PALM2AKAP2: variants seen among roughly 807,000 people sequenced by gnomAD.
The protein encoded by PALM2AKAP2 is PALM2-AKAP2 fusion protein.
PALM2AKAP2 carries 37 observed loss-of-function variants against 71.5 expected under a neutral mutation model. The ratio of observed to expected loss-of-function variants is 0.52; its 90% CI spans 0.40 to 0.68. The LOEUF is 0.68. Among genes scored for constraint, PALM2AKAP2 ranks in the 30% least tolerant of loss-of-function variants. PALM2AKAP2 has a pLI of 0.00. For missense variants in PALM2AKAP2, 1,224 were observed against 1,191.8 expected (o/e 1.03, Z -0.40); for synonymous variants, 468 against 478.8 (o/e 0.98, Z 0.29).
intron 6 of PALM2AKAP2, among the ~76,000 whole-genome samples, chr9:109,950,160 GCACA>G (rs1305416816): frequency 3.2e-4 from 48 of 152,032 alleles, no homozygotes; most frequent in Admixed American, 3.1e-3. Flanking sequence ...CAGCATGGTG[GCACA>G]CACCTGTAGT....
In PALM2AKAP2 at chr9:109,662,467, G is replaced by A. The variant is rs1369959446; in HGVS notation, c.5+21601G>A. 9.2e-5 allele frequency among the ~76,000 whole-genome samples: 14 copies of A among 152,110 alleles called. 1 individual carries two copies. Among genetic ancestry groups the A allele is most frequent in the Middle Eastern group, 6.8e-3 (2 of 294 alleles). Reference sequence around the variant, plus strand: ...TGGTTCTGTTTATGTGATGGATTACGTTTATTGATTTGTGTATATTGAACC... The same window carrying A: ...TGGTTCTGTTTATGTGATGGATTACATTTATTGATTTGTGTATATTGAACC... On this transcript the variant is annotated intron_variant, in intron 1 of 6. Coordinates refer to the PALM2AKAP2 transcript ENST00000374531.
intron 1 of PALM2AKAP2, among the ~76,000 whole-genome samples, chr9:109,763,822 C>G (rs530422113): frequency 6.6e-6 from 1 of 152,242 alleles, no homozygotes; most frequent in East Asian, 1.9e-4. Context: ...ACACATTGCT[C>G]CAATCTCTGC....
At chr9:109,801,528 A>C (rs1827428915) in intron 1 of PALM2AKAP2, among the ~76,000 whole-genome samples, 1 of 152,248 alleles carries the variant, frequency 6.6e-6, no homozygotes, top group Non-Finnish European at 1.5e-5. Flanking sequence ...TTTCAAAAAA[A>C]TAAATAGCAA....
intron 6 of PALM2AKAP2, among the ~76,000 whole-genome samples, chr9:109,948,971 C>T (rs78335706): frequency 2.1e-3 from 313 of 152,164 alleles, no homozygotes; most frequent in South Asian, 3.9e-3. Context: ...TAAAAAAAAA[C>T]GCAGGTTGTA....
At chr9:109,898,987 G>A (rs1248631190) in intron 3 of PALM2AKAP2, among the ~76,000 whole-genome samples, 1 of 152,136 alleles carries the variant, frequency 6.6e-6, no homozygotes, top group African/African-American at 2.4e-5. Flanking sequence ...GGAAATATTG[G>A]TGCTTTGAGG....
chr9:109,764,269 A>T (rs1424534012), intron 1 of PALM2AKAP2, among the ~76,000 whole-genome samples: 2 of 151,782 alleles, frequency 1.3e-5, no homozygotes, highest in Non-Finnish European at 2.9e-5. Context: ...ACTAGACCCA[A>T]CCTGGAGCTT....
chr9:109,867,202 G>GTGTC (rs997976909), intron 1 of PALM2AKAP2: 1 of 403,460 alleles, frequency 2.5e-6, no homozygotes, highest in East Asian at 6.9e-5. Flanking sequence ...GTGTGTGTGT[G>GTGTC]TGTCTGTGTG....
intron 1 of PALM2AKAP2, among the ~76,000 whole-genome samples, chr9:110,109,370 A>G (rs1359078960): frequency 6.6e-6 from 1 of 151,016 alleles, no homozygotes; most frequent in Non-Finnish European, 1.5e-5. Context: ...AAAAAAAAAA[A>G]GAAAAACTTC....
chr9:109,689,114 T>C (rs1827843496), intron 1 of PALM2AKAP2, among the ~76,000 whole-genome samples: 1 of 152,142 alleles, frequency 6.6e-6, no homozygotes, highest in East Asian at 1.9e-4. Context: ...CTAAGCGAGT[T>C]CAGTGGTTGA....
chr9:110,058,462 A>G (rs2017219), intron 1 of PALM2AKAP2, among the ~76,000 whole-genome samples: 41,134 of 151,974 alleles, frequency 0.27, 6,164 homozygotes, highest in East Asian at 0.4. Context: ...CTGTTTCTTC[A>G]TTTTATTCCT....
At chr9:109,771,451 A>T (rs751105003) in intron 1 of PALM2AKAP2, among the ~76,000 whole-genome samples, 8 of 152,184 alleles carry the variant, frequency 5.3e-5, no homozygotes, top group Non-Finnish European at 1.2e-4. Flanking sequence ...CACCAAATAC[A>T]GGGTAAAACT....
rs561223658 is a variant in PALM2AKAP2, at chr9:109,668,003, C to A, written c.5+27137C>A. Among the ~76,000 whole-genome samples the A allele has an allele frequency of 2.7e-3, 41 of 15,016 alleles. 14 individuals carry two copies. In the African/African-American group the frequency reaches 0.04, roughly 15 times the overall value. 9.9% of individuals were successfully genotyped at this position (15,016 alleles called of 152,430 possible). On this transcript the variant is annotated intron_variant, in intron 1 of 6. Coordinates refer to the PALM2AKAP2 transcript ENST00000374531. ...CCAGGCTGGAGTGCAGTGGCGGGAT[C>A]TCGGCTCACTGCAAGCTCTGCCTCC...
At chr9:109,777,167 A>T (rs1829360560), upstream of PALM2AKAP2, among the ~76,000 whole-genome samples, 1 of 152,200 alleles carries the variant, frequency 6.6e-6, no homozygotes, top group African/African-American at 2.4e-5. Flanking sequence ...CAATTGGGAA[A>T]ACCAGTCCAT....
rs146578920 is a variant in PALM2AKAP2, at chr9:110,090,545, G to A, written c.156+41690G>A. On this transcript the variant is annotated intron_variant, in intron 1 of 3. Transcript: ENST00000374525. ...GGGACATTGCATTTATGAACTCAAGGCATTGAGTCACCCAGAGAGAAAAAG... is the reference window on the plus strand; with the variant it reads ...GGGACATTGCATTTATGAACTCAAGACATTGAGTCACCCAGAGAGAAAAAG... The A allele has an allele frequency of 1.0e-3, 418 of 408,768 alleles. 3 individuals are homozygous for A. Among genetic ancestry groups the A allele is most frequent in the African/African-American group, 7.6e-3 (371 of 48,524 alleles). The allele number at this position is 408,768 out of a possible 1,614,324, so 25.3% of individuals were successfully genotyped here. A position where few individuals can be genotyped will look rare whatever the true frequency, so the allele number is the denominator to read the frequency against.
chr9:109,768,116 G>A (rs1829192852), intron 1 of PALM2AKAP2, among the ~76,000 whole-genome samples: 1 of 150,994 alleles, frequency 6.6e-6, no homozygotes, highest in Admixed American at 6.6e-5. Context: ...TAAGAAGAAA[G>A]GAAGGAAAGA....
intron 1 of PALM2AKAP2, among the ~76,000 whole-genome samples, chr9:109,832,882 C>A (rs977110973): frequency 6.6e-6 from 1 of 152,202 alleles, no homozygotes; most frequent in African/African-American, 2.4e-5. Context: ...CTGAACACTT[C>A]GGGCACTAAC....
intron 1 of PALM2AKAP2, among the ~76,000 whole-genome samples, chr9:110,057,387 T>C (rs1183768364): frequency 4.7e-5 from 6 of 126,776 alleles, no homozygotes; most frequent in Non-Finnish European, 8.2e-5. Context: ...TTTTGTTTTT[T>C]TGTTTTTTTT....
chr9:109,773,867 T>C (rs1203363607), intron 1 of PALM2AKAP2, among the ~76,000 whole-genome samples: 2 of 37,886 alleles, frequency 5.3e-5, no homozygotes, highest in Non-Finnish European at 8.0e-5. Context: ...CTAGGATCCA[T>C]TTAGTCAATA....
chr9:109,659,788 C>A (rs114920500), intron 1 of PALM2AKAP2, among the ~76,000 whole-genome samples: 3,227 of 152,256 alleles, frequency 0.021, 131 homozygotes, highest in African/African-American at 0.074. Flanking sequence ...AATGCTTACA[C>A]AAAGCATACA....
Sources: allele counts gnomAD v4.1 joint callset (sites outside exome capture counted in the v4.1 genomes callset), GRCh38; gene constraint gnomAD v4.1.1; transcripts MANE v1.5; gene names NCBI Gene and HGNC (gene_info 2026-07-23, HGNC 2026-07-21).